GALM: variants seen among roughly 807,000 people sequenced by gnomAD.
GALM encodes aldose 1-epimerase.
GALM carries 43 observed loss-of-function variants against 37.4 expected under a neutral mutation model. The observed-to-expected ratio is 1.15, with a 90% CI of 0.90 to 1.48. GALM has a LOEUF of 1.48. Among genes scored for constraint, GALM ranks in the 40% most tolerant of loss-of-function variants. The pLI is 0.00. For synonymous variants in GALM, 199 were observed against 170.6 expected (o/e 1.17, Z -1.30); for missense variants, 456 against 419.1 (o/e 1.09, Z -0.77).
At chr2:38,678,365 A>C (rs1365802927) in intron 2 of GALM, among the ~76,000 whole-genome samples, 1 of 152,112 alleles carries the variant, frequency 6.6e-6, no homozygotes, top group African/African-American at 2.4e-5. Context: ...TGGTATAAGA[A>C]GATCTAGAGC....
At chr2:38,726,352 A>G (rs1003347301) in intron 4 of GALM, among the ~76,000 whole-genome samples, 50 of 148,222 alleles carry the variant, frequency 3.4e-4, no homozygotes, top group Non-Finnish European at 3.9e-4. Context: ...TCAGCCTCCC[A>G]AGTAGCTGGG....
chr2:38,692,183 C>G (rs1446046843), intron 4 of GALM, among the ~76,000 whole-genome samples: 1 of 152,184 alleles, frequency 6.6e-6, no homozygotes, highest in Non-Finnish European at 1.5e-5. Flanking sequence ...ATACTTGAGT[C>G]AGACCTACAT....
chr2:38,686,248 CTTTCTTTCTT>C, intron 3 of GALM, among the ~76,000 whole-genome samples: 2 of 121,654 alleles, frequency 1.6e-5, no homozygotes, highest in South Asian at 5.3e-4. Flanking sequence ...TTCTTTCTTT[CTTTCTTTCTT>C]TCTTTCTTTC....
At chr2:38,674,358 T>A (rs556800158) in intron 1 of GALM, among the ~76,000 whole-genome samples, 2 of 152,062 alleles carry the variant, frequency 1.3e-5, no homozygotes, top group African/African-American at 4.8e-5. Context: ...CCCAGCTAAT[T>A]TTTGTATTTT....
intron 3 of GALM, among the ~76,000 whole-genome samples, chr2:38,681,797 C>T (rs1176612006): frequency 3.3e-5 from 5 of 152,228 alleles, no homozygotes; most frequent in South Asian, 2.1e-4. Context: ...CCTTATTCCA[C>T]GTCTACTCCC....
Position 38,675,898 on chromosome 2 carries a change from C to G in GALM, c.191-14C>G. 1 of 1,613,618 alleles carries G rather than the reference C, an allele frequency of 6.2e-7. No homozygotes were observed. The highest frequency in any genetic ancestry group is 8.5e-7 in the Non-Finnish European group (1 of 1,179,780). On this transcript the variant is annotated splice_polypyrimidine_tract_variant and intron_variant, in intron 1 of 6. Coordinates refer to ENST00000272252, the MANE Select transcript of GALM (RefSeq NM_138801.3). ...TTGAAGTTTTAAAAGTGCTGTCATC[C>G]CTTGTCCTTGCAGGATACCTCCAAA...
chr2:38,711,709 TCCATCA>T (rs1374267417), intron 4 of GALM, among the ~76,000 whole-genome samples: 15 of 7,804 alleles, frequency 1.9e-3, no homozygotes, highest in Non-Finnish European at 3.0e-3. Flanking sequence ...ATCATCATCA[TCCATCA>T]CCATCACTAT....
chr2:38,666,421 G>A (rs2148420961), intron 1 of GALM, 70 bp downstream of exon 1: 1 of 1,235,662 alleles, frequency 8.1e-7, no homozygotes. Context: ...GGATCTAGCG[G>A]GCCACTTGCA....
At chr2:38,669,822 G>A (rs1215260744) in intron 1 of GALM, among the ~76,000 whole-genome samples, 5 of 151,714 alleles carry the variant, frequency 3.3e-5, no homozygotes, top group South Asian at 2.1e-4. Flanking sequence ...GCAGTGAGCC[G>A]AGATTGTGCT....
chr2:38,691,681 C>CA (rs199699643), intron 4 of GALM, among the ~76,000 whole-genome samples: 12 of 145,340 alleles, frequency 8.3e-5, no homozygotes, highest in East Asian at 2.0e-4. Context: ...GACCCTATCT[C>CA]AAAAAAAAAC....
intron 4 of GALM, among the ~76,000 whole-genome samples, chr2:38,702,985 G>A (rs1665948865): frequency 8.3e-6 from 1 of 120,132 alleles, no homozygotes; most frequent in Non-Finnish European, 1.7e-5. Context: ...AGCTGGGCAT[G>A]GTGGGGTGTG....
In GALM at chr2:38,681,123, C is replaced by G. The variant is rs371180883; in HGVS notation, c.346-157C>G. ...GCAGCCTGGACAACATAGTGAGACCCTGTCTCAAAAAAAAAAAAAATCCAG... is the reference window on the plus strand; with the variant it reads ...GCAGCCTGGACAACATAGTGAGACCGTGTCTCAAAAAAAAAAAAAATCCAG... On this transcript the variant is annotated intron_variant, in intron 2 of 6. Transcript: ENST00000272252. Among the ~76,000 whole-genome samples the G allele has an allele frequency of 7.0e-3, 1,008 of 143,894 alleles. 11 individuals carry two copies. The highest frequency in any genetic ancestry group is 0.026 in the African/African-American group (947 of 35,858). 94.4% of individuals were successfully genotyped at this position (143,894 alleles called of 152,430 possible).
intron 4 of GALM, among the ~76,000 whole-genome samples, chr2:38,726,381 T>C (rs1190359574): frequency 1.3e-5 from 2 of 150,938 alleles, no homozygotes; most frequent in South Asian, 2.1e-4. Flanking sequence ...CGCCCGCCAC[T>C]ACGCCCGGCT....
intron 3 of GALM, 36 bp downstream of exon 3, chr2:38,681,522 T>A (rs762574287): frequency 2.6e-6 from 4 of 1,535,338 alleles, no homozygotes; most frequent in Non-Finnish European, 2.7e-6. Context: ...TGCTTCGTGC[T>A]TTGTGGAATG....
intron 4 of GALM, among the ~76,000 whole-genome samples, chr2:38,724,908 T>C (rs1666455159): frequency 6.6e-6 from 1 of 152,226 alleles, no homozygotes; most frequent in South Asian, 2.1e-4. Flanking sequence ...GATTTGTAGA[T>C]TGCTTGGTAA....
At chr2:38,681,175 T>G (rs1007530340) in intron 2 of GALM, 105 bp from the exon 3 acceptor site, 18 of 929,812 alleles carry the variant, frequency 1.9e-5, no homozygotes, top group Admixed American at 9.8e-5. Flanking sequence ...CTTAATTGAT[T>G]GTATAACCAT....
At chr2:38,730,075 G>C (rs1666570355) in intron 5 of GALM, among the ~76,000 whole-genome samples, 1 of 152,164 alleles carries the variant, frequency 6.6e-6, no homozygotes, top group Non-Finnish European at 1.5e-5. Context: ...CCAGTTGGAG[G>C]CTAGGCATCT....
At chr2:38,677,546 G>A (rs1208869874) in intron 2 of GALM, among the ~76,000 whole-genome samples, 1 of 152,188 alleles carries the variant, frequency 6.6e-6, no homozygotes, top group Non-Finnish European at 1.5e-5. Flanking sequence ...ACCCCAACCA[G>A]AGAAAGTAAG....
At chr2:38,696,033 T>G (rs1419290578) in intron 4 of GALM, among the ~76,000 whole-genome samples, 1 of 151,670 alleles carries the variant, frequency 6.6e-6, no homozygotes, top group Non-Finnish European at 1.5e-5. Context: ...CTTCTTAGGG[T>G]CATGAGATTT....
Sources: allele counts gnomAD v4.1 joint callset (sites outside exome capture counted in the v4.1 genomes callset), GRCh38; gene constraint gnomAD v4.1.1; transcripts MANE v1.5; gene names NCBI Gene and HGNC (gene_info 2026-07-23, HGNC 2026-07-21).